Variants in RGMB observed in about 807,000 individuals in gnomAD.
The protein encoded by RGMB is repulsive guidance molecule BMP co-receptor b.
In RGMB, 16 loss-of-function variants were observed where a neutral mutation model predicts 26.9. The observed-to-expected ratio is 0.60, with a 90% CI of 0.40 to 0.90. RGMB has a LOEUF of 0.90. Ranked by LOEUF, RGMB falls within the 40% of genes least tolerant of loss-of-function variation. The probability of loss-of-function intolerance (pLI) is 0.00; values close to 1 mark genes in which losing one functional copy is unlikely to be tolerated. For missense variants in RGMB, 512 were observed against 573.3 expected (o/e 0.89, Z 1.09); for synonymous variants, 225 against 229.3 (o/e 0.98, Z 0.17).
At chr5:98,786,958 G>A (rs997024277) in intron 2 of RGMB, among the ~76,000 whole-genome samples, 1 of 152,156 alleles carries the variant, frequency 6.6e-6, no homozygotes, top group Non-Finnish European at 1.5e-5. Context: ...CATGTATACT[G>A]TGAATAGGAT....
chr5:98,770,446 G>C (rs530812814), upstream of RGMB: 10 of 416,424 alleles, frequency 2.4e-5, no homozygotes, highest in Admixed American at 8.8e-5. Flanking sequence ...TGCACCTGCC[G>C]TTTTGAGCGG....
At position 98,773,798 on chromosome 5, in the gene RGMB, T is replaced by C; in HGVS notation, c.-273T>C. On this transcript the variant is annotated 5_prime_UTR_variant, in exon 1 of 3. Transcript: ENST00000513185. The stretch of plus-strand genomic sequence containing the variant: ...GACTCGTCTCAGCAGTCGCTCACGG[T>C]CTTTGTGTCTTCTCTTCCGCCCCTT... 2.2e-6 allele frequency: 1 copy of C among 444,562 alleles called. No individual in the cohort carries two copies. Among genetic ancestry groups the C allele is most frequent in the Non-Finnish European group, 3.9e-6 (1 of 256,150 alleles). 27.5% of individuals were successfully genotyped at this position (444,562 alleles called of 1,614,324 possible).
rs1357465362 is a variant in RGMB at position 98,774,269 on chromosome 5, C to G, written c.136+63C>G. ...CCTAGGGCTTTGTTCCCAAATAGCC[C>G]CAGGTCTCGAAGGCGCTCGCCGGGG... On this transcript the variant is annotated intron_variant, in intron 1 of 2. Transcript: ENST00000513185. The G allele has an allele frequency of 6.3e-5, 84 of 1,333,138 alleles. No homozygotes were observed. In the East Asian group the frequency reaches 2.6e-3, roughly 41 times the overall value. The allele number at this position is 1,333,138 out of a possible 1,614,324, so 82.6% of individuals were successfully genotyped here. A position where few individuals can be genotyped will look rare whatever the true frequency, so the allele number is the denominator to read the frequency against.
In RGMB at chr5:98,793,944, T is replaced by C. The variant is rs1296630879; in HGVS notation, c.*191T>C. On this transcript the variant is annotated 3_prime_UTR_variant, in exon 3 of 3. Transcript: ENST00000513185. Reference sequence around the variant, plus strand: ...TTCACATATGTTGGATGTAGTGTTCTTTGATTGTATCAATTTTGTTTTGCA... The same window carrying C: ...TTCACATATGTTGGATGTAGTGTTCCTTGATTGTATCAATTTTGTTTTGCA... 2.0e-6 allele frequency: 1 copy of C among 512,786 alleles called. No individual in the cohort carries two copies. The highest frequency in any genetic ancestry group is 3.4e-6 in the Non-Finnish European group (1 of 296,816). The allele number at this position is 512,786 out of a possible 1,614,324, so 31.8% of individuals were successfully genotyped here.
chr5:98,779,895 G>C lies in RGMB; in HGVS notation c.452G>C (p.Arg151Thr). Residue 151 changes from arginine (R) to threonine (T), a missense_variant, in exon 2 of 3, where the codon AGG becomes ACG. Arg to Thr is a moderately conservative substitution (Grantham distance 71). Coordinates refer to ENST00000513185, the MANE Select transcript of RGMB (RefSeq NM_001366508.1). ...AGCCACGCTGGAGCCAGGGAACACAGGAGAGGGGACCAGAACCCTCCCAGT... is the reference window on the plus strand; with the variant it reads ...AGCCACGCTGGAGCCAGGGAACACACGAGAGGGGACCAGAACCCTCCCAGT... ...YHSHAGAREH[R>T]RGDQNPPSYL... is the part of the protein sequence containing the mutation. 2 of 1,613,998 alleles carry C rather than the reference G, an allele frequency of 1.2e-6. No homozygotes were observed.
In RGMB at chr5:98,795,294, G is replaced by GAT. The variant is rs1170824722; in HGVS notation, c.*1543_*1544dup. 1 of 152,222 alleles carries GAT rather than the reference G, an allele frequency of 6.6e-6. No individual in the cohort carries two copies. Among genetic ancestry groups the GAT allele is most frequent in the Non-Finnish European group, 1.5e-5 (1 of 68,038 alleles). The allele number at this position is 152,222 out of a possible 1,614,324, so 9.4% of individuals were successfully genotyped here. Reference sequence around the variant, plus strand: ...TAAGTTTACATAAACAGAAATAAAAGATACTATCTTTACCGTAGTAGTTCA... The same window carrying GAT: ...TAAGTTTACATAAACAGAAATAAAAGATATACTATCTTTACCGTAGTAGTTCA... On this transcript the variant is annotated 3_prime_UTR_variant, in exon 3 of 3. Coordinates refer to ENST00000513185, the MANE Select transcript of RGMB (RefSeq NM_001366508.1).
chr5:98,776,725 A>G (rs1457304615), intron 1 of RGMB, among the ~76,000 whole-genome samples: 10 of 144,274 alleles, frequency 6.9e-5, no homozygotes, highest in African/African-American at 2.4e-4. Context: ...GCCAAAGCAA[A>G]AGAACCCCGG....
chr5:98,793,461 C>T lies in RGMB; in HGVS notation c.1022C>T (p.Ser341Phe). ...CTGGGACACAGCCTGCCTCGCACCT[C>T]CTTGGTGCAGGCCTGGCCTGGCTAC... is the stretch of plus-strand genomic sequence containing the variant. ...AILGHSLPRT[S>F]LVQAWPGYTL... The change falls in exon 3 of 3, where the codon TCC (serine) becomes TTC (phenylalanine). Residue 341 changes from serine (S) to phenylalanine (F), a missense_variant. Transcript: ENST00000513185. The T allele has an allele frequency of 6.2e-7, 1 of 1,612,954 alleles. No homozygotes were observed. Among genetic ancestry groups the T allele is most frequent in the South Asian group, 1.1e-5 (1 of 90,864 alleles).
intron 1 of RGMB, among the ~76,000 whole-genome samples, chr5:98,774,411 G>A (rs888091327): frequency 3.9e-5 from 6 of 152,190 alleles, no homozygotes; most frequent in Non-Finnish European, 8.8e-5. Flanking sequence ...GCGCAGAGAC[G>A]AGCCTTCTCT....
At chr5:98,769,359 T>C (rs1480900647), upstream of RGMB, 1 of 152,510 alleles carries the variant, frequency 6.6e-6, no homozygotes, top group Non-Finnish European at 1.5e-5. Flanking sequence ...GGCTGAGGGA[T>C]TTGGCTCCCC....
Position 98,779,898 on chromosome 5 carries a change from G to C in RGMB, c.455G>C (p.Arg152Thr). Residue 152 changes from arginine (R) to threonine (T), a missense_variant, in exon 2 of 3, where the codon AGA becomes ACA. By Grantham distance (71) the Arg-to-Thr change is moderately conservative (BLOSUM62 -1). Coordinates refer to ENST00000513185, the MANE Select transcript of RGMB (RefSeq NM_001366508.1). ...CACGCTGGAGCCAGGGAACACAGGA[G>C]AGGGGACCAGAACCCTCCCAGTTAC... ...HSHAGAREHR[R>T]GDQNPPSYLF... 2 of 1,613,974 alleles carry C rather than the reference G, an allele frequency of 1.2e-6. No individual in the cohort carries two copies. The highest frequency in any genetic ancestry group is 1.7e-6 in the Non-Finnish European group (2 of 1,179,868).
intron 1 of RGMB, among the ~76,000 whole-genome samples, chr5:98,775,237 G>T (rs1188181692): frequency 6.6e-6 from 1 of 152,102 alleles, no homozygotes; most frequent in Non-Finnish European, 1.5e-5. Flanking sequence ...AACCATACCC[G>T]CCATGCTAAA....
At chr5:98,783,103 T>A (rs1746660232) in intron 2 of RGMB, among the ~76,000 whole-genome samples, 1 of 152,178 alleles carries the variant, frequency 6.6e-6, no homozygotes, top group Admixed American at 6.5e-5. Flanking sequence ...CTGTTGGTCA[T>A]GGTGTGCACA....
intron 2 of RGMB, among the ~76,000 whole-genome samples, chr5:98,781,707 TC>T (rs1323966934): frequency 6.6e-6 from 1 of 152,152 alleles, no homozygotes; most frequent in Non-Finnish European, 1.5e-5. Flanking sequence ...GGGGAAATAC[TC>T]ATTCTCTTCA....
rs1409302005 is a variant in RGMB at position 98,773,887 on chromosome 5, G to C, written c.-184G>C. 1 of 516,614 alleles carries C rather than the reference G, an allele frequency of 1.9e-6. No individual in the cohort carries two copies. Among genetic ancestry groups the C allele is most frequent in the Non-Finnish European group, 3.4e-6 (1 of 296,034 alleles). The allele number at this position is 516,614 out of a possible 1,614,324, so 32.0% of individuals were successfully genotyped here. On this transcript the variant is annotated 5_prime_UTR_variant, in exon 1 of 3. Coordinates refer to ENST00000513185, the MANE Select transcript of RGMB (RefSeq NM_001366508.1). ...GCCCCGCTGCTGCCGCCGCGGACTGGCTGCGCCGGCTGCGCGCTGCTTGCT... is the reference window on the plus strand; with the variant it reads ...GCCCCGCTGCTGCCGCCGCGGACTGCCTGCGCCGGCTGCGCGCTGCTTGCT...
At chr5:98,788,210 C>T (rs114463796) in intron 2 of RGMB, among the ~76,000 whole-genome samples, 8 of 152,318 alleles carry the variant, frequency 5.3e-5, no homozygotes, top group Non-Finnish European at 8.8e-5. Context: ...TTTTAATCTG[C>T]CACTCACCTC....
Position 98,795,105 on chromosome 5 carries a change from C to T in RGMB, c.*1352C>T, listed in dbSNP as rs1747074762. 1 of 152,150 alleles carries T rather than the reference C, an allele frequency of 6.6e-6. No homozygotes were observed. Among genetic ancestry groups the T allele is most frequent in the Non-Finnish European group, 1.5e-5 (1 of 68,032 alleles). The allele number at this position is 152,150 out of a possible 1,614,324, so 9.4% of individuals were successfully genotyped here. A position where few individuals can be genotyped will look rare whatever the true frequency, so the allele number is the denominator to read the frequency against. ...ATAAAGTAAGATCTCCTTGCCTCTT[C>T]CATCCATTGTTGGCACCCCCTTGCA... is the stretch of plus-strand genomic sequence containing the variant. On this transcript the variant is annotated 3_prime_UTR_variant, in exon 3 of 3. Coordinates refer to ENST00000513185, the MANE Select transcript of RGMB (RefSeq NM_001366508.1).
At chr5:98,791,502 G>A (rs566928123) in intron 2 of RGMB, among the ~76,000 whole-genome samples, 139 of 152,018 alleles carry the variant, frequency 9.1e-4, no homozygotes, top group Non-Finnish European at 1.9e-3. Context: ...GGGGGAGGGG[G>A]GTGCATTTTC....
intron 1 of RGMB, among the ~76,000 whole-genome samples, chr5:98,778,569 CAAAG>C (rs1393114094): frequency 9.9e-5 from 15 of 152,140 alleles, no homozygotes; most frequent in African/African-American, 3.4e-4. Flanking sequence ...CAGTTGATGA[CAAAG>C]AACAGTGTCT....
Sources: allele counts gnomAD v4.1 joint callset (sites outside exome capture counted in the v4.1 genomes callset), GRCh38; gene constraint gnomAD v4.1.1; transcripts MANE v1.5; gene names NCBI Gene and HGNC (gene_info 2026-07-23, HGNC 2026-07-21).